The following POU2F1 variants were observed in gnomAD, a reference collection of about 807,000 sequenced individuals.
POU2F1 encodes POU class 2 homeobox 1, also known as POU domain, class 2, transcription factor 1.
A neutral mutation model predicts 84.9 loss-of-function variants in POU2F1; 16 were observed. The observed-to-expected ratio is 0.19, with a 90% CI of 0.13 to 0.29. POU2F1 has a LOEUF of 0.29. POU2F1 is among the 10% of genes least tolerant of loss of function. The pLI is 1.00. For synonymous variants in POU2F1, 368 were observed against 368.3 expected (o/e 1.00, Z 0.01); for missense variants, 738 against 942.6 (o/e 0.78, Z 2.84).
intron 13 of POU2F1, among the ~76,000 whole-genome samples, chr1:167,411,406 T>TTG (rs915106165): frequency 3.3e-5 from 4 of 120,024 alleles, no homozygotes; most frequent in African/African-American, 2.1e-4. Context: ...TTGTATGTTG[T>TTG]TTTTTTTTTT....
intron 1 of POU2F1, among the ~76,000 whole-genome samples, chr1:167,227,552 T>A (rs542402943): frequency 5.0e-4 from 76 of 152,324 alleles, no homozygotes; most frequent in Non-Finnish European, 9.0e-4. Context: ...GTACACTTAT[T>A]TTAGTGGTCT....
At chr1:167,410,707 G>C (rs894736711) in intron 13 of POU2F1, among the ~76,000 whole-genome samples, 8 of 151,756 alleles carry the variant, frequency 5.3e-5, no homozygotes, top group Non-Finnish European at 1.2e-4. Context: ...ATAGAGACGG[G>C]GTTTCACCAC....
intron 2 of POU2F1, among the ~76,000 whole-genome samples, chr1:167,342,394 A>G (rs964484493): frequency 1.3e-5 from 2 of 152,204 alleles, no homozygotes; most frequent in African/African-American, 2.4e-5. Context: ...CAAAGTTCCT[A>G]GTAACCAGTG....
intron 1 of POU2F1, among the ~76,000 whole-genome samples, chr1:167,326,122 T>C (rs1656694217): frequency 6.6e-6 from 1 of 152,182 alleles, no homozygotes; most frequent in Admixed American, 6.5e-5. Flanking sequence ...ATCCAGGTCC[T>C]CTAAACATCA....
At chr1:167,335,200 G>A (rs1657362537) in intron 2 of POU2F1, among the ~76,000 whole-genome samples, 1 of 152,146 alleles carries the variant, frequency 6.6e-6, no homozygotes, top group South Asian at 2.1e-4. Context: ...TTATTAGGAT[G>A]TACAATGCAA....
chr1:167,301,370 C>A (rs111394738), intron 1 of POU2F1, among the ~76,000 whole-genome samples: 1 of 152,140 alleles, frequency 6.6e-6, no homozygotes, highest in African/African-American at 2.4e-5. Flanking sequence ...AAATACCTTG[C>A]GTTATTTTGT....
At chr1:167,341,980 T>G (rs1031208063) in intron 2 of POU2F1, among the ~76,000 whole-genome samples, 6 of 152,160 alleles carry the variant, frequency 3.9e-5, no homozygotes, top group Non-Finnish European at 8.8e-5. Context: ...CTCTCAACAT[T>G]CAGACATTCC....
chr1:167,371,163 C>T (rs1659979579), intron 4 of POU2F1, among the ~76,000 whole-genome samples: 1 of 152,140 alleles, frequency 6.6e-6, no homozygotes, highest in Admixed American at 6.5e-5. Flanking sequence ...CCTTGGTTGC[C>T]ATGGTAAACT....
chr1:167,263,238 G>A lies in POU2F1; in HGVS notation c.61+42280G>A, dbSNP rs375481106. Among the ~76,000 whole-genome samples the A allele has an allele frequency of 1.5e-4, 23 of 152,204 alleles. No homozygotes were observed. In the East Asian group the frequency reaches 2.5e-3, roughly 17 times the overall value. On this transcript the variant is annotated intron_variant, in intron 1 of 15. Coordinates refer to ENST00000367866, the MANE Select transcript of POU2F1 (RefSeq NM_002697.4). ...ATCCAGCTATTTTAAAAAACATGTC[G>A]GCCGAGTGTGGTGGCTCATGCCTGT...
At chr1:167,399,515 G>T (rs1290430956) in intron 12 of POU2F1, 150 bp downstream of exon 12, 5 of 737,100 alleles carry the variant, frequency 6.8e-6, no homozygotes, top group Non-Finnish European at 1.1e-5. Flanking sequence ...ACATTACCAA[G>T]GTAATGAAAT....
At chr1:167,258,139 A>C (rs1057103662) in intron 1 of POU2F1, among the ~76,000 whole-genome samples, 2 of 152,184 alleles carry the variant, frequency 1.3e-5, no homozygotes. Context: ...GCTGATTCTC[A>C]TGCCCCCACT....
intron 2 of POU2F1, among the ~76,000 whole-genome samples, chr1:167,359,189 TTAA>T (rs897464060): frequency 1.6e-4 from 12 of 72,888 alleles, no homozygotes; most frequent in African/African-American, 6.0e-4. Flanking sequence ...TAGACTTTTT[TTAA>T]AAAAAAAAAA....
At position 167,308,934 on chromosome 1, in the gene POU2F1, A is replaced by G. The variant is rs1054710569; in HGVS notation, c.62-23536A>G. On this transcript the variant is annotated intron_variant, in intron 1 of 15. Transcript: ENST00000367866. ...TATAAGGGAAAGCTTTCTCTTCTCT[A>G]TATTTATATCTGTATGGACTCATGA... is the stretch of plus-strand genomic sequence containing the variant. Among the ~76,000 whole-genome samples the G allele has an allele frequency of 3.9e-5, 6 of 152,152 alleles. No homozygotes were observed. In the South Asian group the frequency reaches 6.2e-4, roughly 16 times the overall value.
chr1:167,298,150 A>T (rs1266374819), intron 1 of POU2F1, among the ~76,000 whole-genome samples: 1 of 151,950 alleles, frequency 6.6e-6, no homozygotes, highest in Non-Finnish European at 1.5e-5. Flanking sequence ...AACAACAACA[A>T]CAAAAACAAA....
rs1172455987 is a variant in POU2F1, at chr1:167,417,883, A to C, written c.*2073A>C. On this transcript the variant is annotated 3_prime_UTR_variant, in exon 16 of 16. Transcript: ENST00000367866. ...GTCAGAAACATTTTAGTCCCCTTTA[A>C]AATATTTCTTTTAGTTTATTTCTAT... 4 of 152,178 alleles carry C rather than the reference A, an allele frequency of 2.6e-5. No individual in the cohort carries two copies. Among genetic ancestry groups the C allele is most frequent in the Non-Finnish European group, 5.9e-5 (4 of 68,038 alleles). The allele number at this position is 152,178 out of a possible 1,614,324, so 9.4% of individuals were successfully genotyped here.
Position 167,371,943 on chromosome 1 carries a change from T to C in POU2F1, c.309T>C (p.Asp103=), listed in dbSNP as rs1660026069. The change falls in exon 5 of 16, where the codon GAT becomes GAC. Residue 103 remains aspartate (D), a synonymous_variant. Coordinates refer to ENST00000367866, the MANE Select transcript of POU2F1 (RefSeq NM_002697.4). ...VQSKSNEESG[D]SQQPSQPSQQ... is the part of the protein sequence containing the mutation. ...CTAAATCTAATGAAGAATCGGGGGA[T>C]TCGCAGCAGCCAAGCCAGCCTTCCC... 1 of 1,614,060 alleles carries C rather than the reference T, an allele frequency of 6.2e-7. No homozygotes were observed. The highest frequency in any genetic ancestry group is 1.1e-5 in the South Asian group (1 of 91,088).
intron 4 of POU2F1, among the ~76,000 whole-genome samples, chr1:167,371,089 A>G (rs1187922983): frequency 6.6e-6 from 1 of 152,206 alleles, no homozygotes; most frequent in East Asian, 1.9e-4. Context: ...ACGTAGGAAC[A>G]AGGAGAGAAA....
chr1:167,389,241 A>C (rs553591064), intron 8 of POU2F1, among the ~76,000 whole-genome samples: 67 of 152,350 alleles, frequency 4.4e-4, no homozygotes, highest in Admixed American at 5.2e-4. Context: ...GAAGTGCTAG[A>C]CTTATGAAAT....
chr1:167,362,232 G>C (rs995212691), intron 2 of POU2F1, among the ~76,000 whole-genome samples: 2 of 152,158 alleles, frequency 1.3e-5, no homozygotes, highest in Non-Finnish European at 2.9e-5. Context: ...CAGTAAAAGA[G>C]GTTAACCTAC....
Sources: gnomAD v4.1 joint callset for allele counts (sites outside exome capture counted in the v4.1 genomes callset) on GRCh38, gnomAD v4.1.1 for gene constraint, MANE v1.5 for transcripts, NCBI Gene and HGNC (gene_info 2026-07-23, HGNC 2026-07-21) for gene names.